Variants in CLASRP observed in about 807,000 individuals in gnomAD.
CLASRP encodes CLK4 associating serine/arginine rich protein.
A neutral mutation model predicts 99.9 loss-of-function variants in CLASRP; 52 were observed. The observed-to-expected ratio is 0.52, with a 90% CI of 0.42 to 0.66. The LOEUF (loss-of-function observed/expected upper bound fraction) is 0.66. CLASRP is among the 30% of genes least tolerant of loss of function. The pLI, the probability that CLASRP is intolerant of heterozygous loss-of-function variation, is 0.00. For missense variants in CLASRP, 848 were observed against 999.2 expected, an observed-to-expected ratio of 0.85 and a Z score of 2.04; for synonymous variants, 379 against 373.0, an observed-to-expected ratio of 1.02 and a Z score of -0.18.
intron 5 of CLASRP, among the ~76,000 whole-genome samples, chr19:45,055,774 G>A (rs1197373698): frequency 6.6e-6 from 1 of 152,076 alleles, no homozygotes; most frequent in African/African-American, 2.4e-5. Context: ...CGGAGGTTGC[G>A]GTGAGCCAAG....
intron 8 of CLASRP, 105 bp downstream of exon 8, chr19:45,059,469 G>A: frequency 2.0e-6 from 2 of 981,978 alleles, no homozygotes; most frequent in Admixed American, 2.0e-5. Flanking sequence ...GCATTTGTGT[G>A]CCTGGCCCTG....
At chr19:45,041,227 C>CAAA (rs397945551) in intron 2 of CLASRP, among the ~76,000 whole-genome samples, 1 of 59,922 alleles carries the variant, frequency 1.7e-5, no homozygotes, top group African/African-American at 5.6e-5. Flanking sequence ...GACTCTGTCT[C>CAAA]AAAAAAAAAA....
At position 45,061,545 on chromosome 19, in the gene CLASRP, T is replaced by C. The variant is rs371916405; in HGVS notation, c.864-609T>C. On this transcript the variant is annotated intron_variant, in intron 10 of 20. Coordinates refer to ENST00000221455, the MANE Select transcript of CLASRP (RefSeq NM_007056.3). The stretch of plus-strand genomic sequence containing the variant: ...GTGCAGTGGTGTAATCACGACTCAC[T>C]GCAGCCTCAAATTCCTAGGCTTAGG... Among the ~76,000 whole-genome samples, 16 of 152,254 alleles carry C rather than the reference T, an allele frequency of 1.1e-4. No individual in the cohort carries two copies. The East Asian group carries it at 1.9e-3, about 18-fold the overall frequency.
At chr19:45,069,180 C>G in intron 17 of CLASRP, 22 bp from the exon 18 acceptor site, 1 of 1,614,030 alleles carries the variant, frequency 6.2e-7, no homozygotes, top group Non-Finnish European at 8.5e-7. Context: ...TGGCCACGTC[C>G]TCATAGCCCT....
intron 20 of CLASRP, 91 bp from the exon 21 acceptor site, chr19:45,070,711 GA>G (rs1568424503): frequency 1.5e-6 from 2 of 1,329,986 alleles, no homozygotes; most frequent in Middle Eastern, 1.8e-4. Flanking sequence ...TCCCTCCACA[GA>G]CAAGTGCCCC....
chr19:45,064,557 G>A lies in CLASRP; in HGVS notation c.1336G>A (p.Gly446Ser), dbSNP rs745942211. 9.7e-6 allele frequency: 15 copies of A among 1,539,228 alleles called. 2 individuals are homozygous for A. In the South Asian group the frequency reaches 1.5e-4, roughly 16 times the overall value. Residue 446 changes from glycine (G) to serine (S), a missense_variant, in exon 13 of 21, where the codon GGC (glycine) becomes AGC (serine). Transcript: ENST00000221455. ...CCGTGGCCGGCGGCACTCAGGTGGG[G>A]GCTCCCGAGACGGACACCGGTACTC... ...RSRGRRHSGGGSRDGHRYSRS... is the reference protein window; with the variant it reads ...RSRGRRHSGGSSRDGHRYSRS...
chr19:45,055,196 C>A (rs1478081022), intron 5 of CLASRP, among the ~76,000 whole-genome samples: 1 of 152,174 alleles, frequency 6.6e-6, no homozygotes, highest in Admixed American at 6.5e-5. Flanking sequence ...CAATTGCAAA[C>A]CAAGGTGATG....
chr19:45,052,190 G>C, intron 3 of CLASRP, 22 bp downstream of exon 3: 2 of 1,605,262 alleles, frequency 1.2e-6, no homozygotes, highest in Non-Finnish European at 1.7e-6. Flanking sequence ...ATGGAAGGCA[G>C]GGGAGTGTCT....
rs1271668394 is a variant in CLASRP, at chr19:45,070,027, G to A, written c.1880G>A (p.Arg627Gln). The change falls in exon 19 of 21, where the codon CGG becomes CAG. Residue 627 changes from arginine to glutamine, a missense_variant. Arg to Gln is a conservative substitution (Grantham distance 43). This residue lies in a region of CLASRP where 116 missense variants were observed against 162.7 expected (regional missense o/e 0.71). Transcript: ENST00000221455. ...AMARKIRMKERERREKEREEW... is the reference protein window; with the variant it reads ...AMARKIRMKEQERREKEREEW... Reference sequence around the variant, plus strand: ...CTCATGCCATGCCTTCGCAGGGAGCGGGAACGCCGAGAGAAGGAGAGAGAA... The same window carrying A: ...CTCATGCCATGCCTTCGCAGGGAGCAGGAACGCCGAGAGAAGGAGAGAGAA... 1 of 1,595,152 alleles carries A rather than the reference G, an allele frequency of 6.3e-7. No individual in the cohort carries two copies. The highest frequency in any genetic ancestry group is 8.6e-7 in the Non-Finnish European group (1 of 1,162,846).
chr19:45,051,841 G>A (rs1022268133), intron 2 of CLASRP, among the ~76,000 whole-genome samples: 47 of 152,040 alleles, frequency 3.1e-4, no homozygotes, highest in Non-Finnish European at 6.6e-4. Context: ...GGTGGCGGGC[G>A]CCTGTAGTCC....
At position 45,064,043 on chromosome 19, in the gene CLASRP, T is replaced by C. The variant is rs750320365; in HGVS notation, c.937T>C (p.Ser313Pro). The change falls in exon 12 of 21, where the codon TCC becomes CCC. Residue 313 changes from serine (S) to proline (P), a missense_variant. Coordinates refer to ENST00000221455, the MANE Select transcript of CLASRP (RefSeq NM_007056.3). The part of the protein sequence containing the change: ...SPSESSSESR[S>P]RSRSPTPGRE... The stretch of plus-strand genomic sequence containing the variant: ...CTCGGAGTCCAGCTCAGAGTCCCGC[T>C]CCCGCTCCCGCTCCCCGACCCCGGG... 6.2e-7 allele frequency: 1 copy of C among 1,612,346 alleles called. No homozygotes were observed. Among genetic ancestry groups the C allele is most frequent in the Non-Finnish European group, 8.5e-7 (1 of 1,179,774 alleles).
In CLASRP at chr19:45,067,697, T is replaced by C. The variant is rs1967124998; in HGVS notation, c.1667+103T>C. The C allele has an allele frequency of 2.6e-6, 3 of 1,134,344 alleles. No individual in the cohort carries two copies. The highest frequency in any genetic ancestry group is 3.7e-6 in the Non-Finnish European group (3 of 809,054). The allele number at this position is 1,134,344 out of a possible 1,614,324, so 70.3% of individuals were successfully genotyped here. Reference sequence around the variant, plus strand: ...GGGAACTTAGCCCTACCCTGGGAGGTCTGGGGGGTGGTGTATGGCCCTGGC... The same window carrying C: ...GGGAACTTAGCCCTACCCTGGGAGGCCTGGGGGGTGGTGTATGGCCCTGGC... On this transcript the variant is annotated intron_variant, in intron 14 of 20. Coordinates refer to ENST00000221455, the MANE Select transcript of CLASRP (RefSeq NM_007056.3). This position sits in a 1 kb window ranked among gnomAD's most constrained non-coding sequence, Gnocchi z 4.9.
At chr19:45,051,471 G>A (rs548386097) in intron 2 of CLASRP, among the ~76,000 whole-genome samples, 33 of 151,834 alleles carry the variant, frequency 2.2e-4, no homozygotes, top group African/African-American at 7.2e-4. Context: ...GTGTCACCAC[G>A]CCCAGCTAAT....
At chr19:45,063,773 C>T (rs996745221) in intron 11 of CLASRP, among the ~76,000 whole-genome samples, 1 of 152,072 alleles carries the variant, frequency 6.6e-6, no homozygotes, top group African/African-American at 2.4e-5. Flanking sequence ...TTCATAGCCA[C>T]ATAAAATCAG....
At chr19:45,062,053 G>T in intron 10 of CLASRP, 101 bp from the exon 11 acceptor site, 1 of 797,240 alleles carries the variant, frequency 1.3e-6, no homozygotes, top group Non-Finnish European at 2.2e-6. Flanking sequence ...CACTGTGCCA[G>T]GTACCTAGCT....
chr19:45,053,104 A>C lies in CLASRP; in HGVS notation c.306A>C (p.Pro102=). ...YTPPLLTTIS[P]EQESDERKCN... is the part of the protein sequence containing the mutation. ...GTCTCGCCCTTCCCTAAAGCTCCCC[A>C]GAACAGGAGTCGGACGAACGGAAGT... Residue 102 remains proline, a synonymous_variant, in exon 5 of 21, where the codon CCA becomes CCC. Transcript: ENST00000221455. 2 of 1,613,968 alleles carry C rather than the reference A, an allele frequency of 1.2e-6. No homozygotes were observed. Among genetic ancestry groups the C allele is most frequent in the Non-Finnish European group, 1.7e-6 (2 of 1,179,982 alleles).
At chr19:45,043,093 G>C (rs1971843841) in intron 2 of CLASRP, among the ~76,000 whole-genome samples, 2 of 151,902 alleles carry the variant, frequency 1.3e-5, no homozygotes, top group African/African-American at 4.8e-5. Context: ...CTTTGGACTT[G>C]GGTGCCATCC....
chr19:45,039,127 T>G lies in CLASRP; in HGVS notation c.-30+19T>G, dbSNP rs1766187945. The G allele has an allele frequency of 6.6e-6, 1 of 152,072 alleles. No individual in the cohort carries two copies. The highest frequency in any genetic ancestry group is 1.5e-5 in the Non-Finnish European group (1 of 68,032). The allele number at this position is 152,072 out of a possible 1,614,324, so 9.4% of individuals were successfully genotyped here. A position where few individuals can be genotyped will look rare whatever the true frequency, so the allele number is the denominator to read the frequency against. ...CCAGCCGGTGAGTGCAGGCTGCGGC[T>G]CGACCTCCCGGTTTTCGGGCAGGCC... is the stretch of plus-strand genomic sequence containing the variant. On this transcript the variant is annotated intron_variant, in intron 1 of 20. Transcript: ENST00000221455.
rs1967206862 is a variant in CLASRP, at chr19:45,070,277, C to G, written c.1957+173C>G. 6.6e-5 allele frequency among the ~76,000 whole-genome samples: 10 copies of G among 152,138 alleles called. No individual in the cohort carries two copies. In the South Asian group the frequency reaches 2.1e-3, roughly 32 times the overall value. On this transcript the variant is annotated intron_variant, in intron 19 of 20. Coordinates refer to ENST00000221455, the MANE Select transcript of CLASRP (RefSeq NM_007056.3). ...CCTGAGGTCAGGAGTTCGAGACCAG[C>G]CTGACCAACATGGTGACACACATAC...
Sources: gnomAD v4.1 joint callset for allele counts (sites outside exome capture counted in the v4.1 genomes callset) on GRCh38, gnomAD v4.1.1 for gene constraint, gnomAD v4.1.1 regional missense constraint, Gnocchi (gnomAD v3.1) non-coding constraint, MANE v1.5 for transcripts, NCBI Gene and HGNC (gene_info 2026-07-23, HGNC 2026-07-21) for gene names.